The following CPLANE1 variants were observed in gnomAD, a reference collection of about 807,000 sequenced individuals.
The protein encoded by CPLANE1 is ciliogenesis and planar polarity effector 1.
A neutral mutation model predicts 362.5 loss-of-function variants in CPLANE1; 263 were observed. The ratio of observed to expected loss-of-function variants is 0.73; its 90% CI spans 0.66 to 0.80. The LOEUF is 0.80. Among genes scored for constraint, CPLANE1 ranks in the 30% least tolerant of loss-of-function variants. The pLI is 0.00. For missense variants in CPLANE1, 3,461 were observed against 3,793.4 expected (o/e 0.91, Z 2.30); for synonymous variants, 1,212 against 1,302.6 (o/e 0.93, Z 1.50).
intron 51 of CPLANE1, among the ~76,000 whole-genome samples, chr5:37,109,866 A>G (rs1319580090): frequency 6.6e-6 from 1 of 152,178 alleles, no homozygotes; most frequent in African/African-American, 2.4e-5. Context: ...CATATTGGCC[A>G]GGCTGGTTTG....
chr5:37,132,092 G>A (rs1240762472), intron 46 of CPLANE1, among the ~76,000 whole-genome samples: 1 of 151,946 alleles, frequency 6.6e-6, no homozygotes, highest in Non-Finnish European at 1.5e-5. Flanking sequence ...TTAATATAAG[G>A]TTATATATAA....
At chr5:37,243,320 T>C (rs1426495016) in intron 5 of CPLANE1, among the ~76,000 whole-genome samples, 1 of 152,168 alleles carries the variant, frequency 6.6e-6, no homozygotes. Flanking sequence ...AATCAGGTTG[T>C]AGTTTATGCT....
intron 9 of CPLANE1, among the ~76,000 whole-genome samples, chr5:37,228,936 C>T (rs897186169): frequency 6.6e-6 from 1 of 152,116 alleles, no homozygotes; most frequent in African/African-American, 2.4e-5. Flanking sequence ...GGAAGTGACA[C>T]GTTTTTCCAT....
intron 1 of CPLANE1, among the ~76,000 whole-genome samples, 168 bp downstream of exon 1, chr5:37,249,077 G>C (rs1372282746): frequency 6.6e-6 from 1 of 152,216 alleles, no homozygotes; most frequent in Non-Finnish European, 1.5e-5. Context: ...GGCCCGGACT[G>C]GGTAGTGGGG....
chr5:37,215,871 A>G (rs1299258650), intron 15 of CPLANE1, among the ~76,000 whole-genome samples: 1 of 150,476 alleles, frequency 6.6e-6, no homozygotes, highest in Non-Finnish European at 1.5e-5. Flanking sequence ...CTGCTCTGTC[A>G]CCCAAGCTAG....
At chr5:37,085,686 A>C in the CPLANE1 span, 1 of 1,138,564 alleles carries the variant, frequency 8.8e-7, no homozygotes, top group Non-Finnish European at 1.3e-6. Flanking sequence ...GACGTGGTTC[A>C]CATGAAAGAT....
At chr5:37,173,702 C>A in intron 32 of CPLANE1, 53 bp downstream of exon 32, 1 of 1,386,100 alleles carries the variant, frequency 7.2e-7, no homozygotes, top group Non-Finnish European at 1.0e-6. Context: ...TATTTTAAAA[C>A]CCTACATGTA....
chr5:37,155,053 T>A (rs775530854), intron 41 of CPLANE1, among the ~76,000 whole-genome samples: 1 of 152,216 alleles, frequency 6.6e-6, no homozygotes, highest in Non-Finnish European at 1.5e-5. Flanking sequence ...ACATTCTTAA[T>A]ACCACTACTT....
chr5:37,187,847 A>C lies in CPLANE1; in HGVS notation c.3812-5T>G, dbSNP rs375780513. 555 of 1,605,284 alleles carry C rather than the reference A, an allele frequency of 3.5e-4. No homozygotes were observed. Among genetic ancestry groups the C allele is most frequent in the Non-Finnish European group, 4.5e-4 (528 of 1,173,944 alleles). On this transcript the variant is annotated splice_region_variant and splice_polypyrimidine_tract_variant and intron_variant, in intron 21 of 52. Transcript: ENST00000651892. ...CACAAAGTTCTCTGAAGCAACCTAA[A>C]GCAGGAACACAAATATGAAAGAAAA... is the stretch of plus-strand genomic sequence containing the variant.
chr5:37,110,847 G>A lies in CPLANE1; in HGVS notation c.9401-2376C>T, dbSNP rs549803155. On this transcript the variant is annotated intron_variant, in intron 51 of 52. Coordinates refer to ENST00000651892, the MANE Select transcript of CPLANE1 (RefSeq NM_001384732.1). ...TTTTGAGATGGAGTCTCACTCTGTC[G>A]CCCAGGCTGGAGTGCAGTGGCACTA... Among the ~76,000 whole-genome samples, 5 of 130,772 alleles carry A rather than the reference G, an allele frequency of 3.8e-5. No individual in the cohort carries two copies. In the East Asian group the frequency reaches 8.9e-4, roughly 23 times the overall value. The allele number at this position is 130,772 out of a possible 152,430, so 85.8% of individuals were successfully genotyped here.
intron 31 of CPLANE1, among the ~76,000 whole-genome samples, chr5:37,174,893 T>C (rs1371982066): frequency 1.3e-5 from 2 of 152,228 alleles, no homozygotes; most frequent in Non-Finnish European, 2.9e-5. Flanking sequence ...GCTTTGAGTG[T>C]TGCTCCTTGA....
chr5:37,131,448 G>A (rs1029940017), intron 46 of CPLANE1, among the ~76,000 whole-genome samples: 1 of 151,922 alleles, frequency 6.6e-6, no homozygotes, highest in East Asian at 1.9e-4. Context: ...TTCTTCCCCT[G>A]AGCTCCCACA....
rs185277938 is a variant in CPLANE1, at chr5:37,157,600, A to C, written c.8011+70T>G. 2.0e-4 allele frequency: 271 copies of C among 1,332,186 alleles called. 1 individual carries two copies. The Middle Eastern group carries it at 4.9e-3, about 24-fold the overall frequency. 82.5% of individuals were successfully genotyped at this position (1,332,186 alleles called of 1,614,324 possible). A position where few individuals can be genotyped will look rare whatever the true frequency, so the allele number is the denominator to read the frequency against. On this transcript the variant is annotated intron_variant, in intron 40 of 52. Coordinates refer to ENST00000651892, the MANE Select transcript of CPLANE1 (RefSeq NM_001384732.1). ...TGTAGGAGGAGAGGTAAGAGATGTG[A>C]GTAGGGATAACAATGCTATATTAAA...
chr5:37,192,964 C>G (rs1406891446), intron 21 of CPLANE1, among the ~76,000 whole-genome samples: 1 of 149,308 alleles, frequency 6.7e-6, no homozygotes, highest in East Asian at 2.0e-4. Flanking sequence ...GTCAGGAATT[C>G]AAGACCAGCC....
intron 46 of CPLANE1, chr5:37,130,349 TAACCAA>T (rs1765413224): frequency 6.1e-6 from 1 of 165,108 alleles, no homozygotes; most frequent in African/African-American, 2.4e-5. Flanking sequence ...CTTACTCATG[TAACCAA>T]ATACCACCTG....
chr5:37,207,279 T>C lies in CPLANE1; in HGVS notation c.2921-854A>G, dbSNP rs180785041. ...TCCTCGAAATGGTGAGTTTCTCACA[T>C]GACCTATACAGGCTATGCCTACTGC... On this transcript the variant is annotated intron_variant, in intron 16 of 52. Transcript: ENST00000651892. Among the ~76,000 whole-genome samples the C allele has an allele frequency of 4.6e-5, 7 of 152,370 alleles. No homozygotes were observed. The East Asian group carries it at 9.6e-4, about 21-fold the overall frequency.
intron 29 of CPLANE1, among the ~76,000 whole-genome samples, chr5:37,178,281 G>A (rs1413301960): frequency 6.6e-6 from 1 of 151,758 alleles, no homozygotes; most frequent in Non-Finnish European, 1.5e-5. Flanking sequence ...AACAGAGCAA[G>A]ACTGTCTCAA....
At chr5:37,179,839 C>T (rs935404373) in intron 28 of CPLANE1, among the ~76,000 whole-genome samples, 178 bp downstream of exon 28, 1 of 151,956 alleles carries the variant, frequency 6.6e-6, no homozygotes, top group East Asian at 1.9e-4. Flanking sequence ...TTATTAAAAC[C>T]AAAATTAGAG....
chr5:37,165,786 A>G lies in CPLANE1; in HGVS notation c.7401-115T>C, dbSNP rs140299583. 3.2e-4 allele frequency: 295 copies of G among 919,850 alleles called. 3 individuals are homozygous for G. The East Asian group carries it at 6.2e-3, about 19-fold the overall frequency. The allele number at this position is 919,850 out of a possible 1,614,324, so 57.0% of individuals were successfully genotyped here. On this transcript the variant is annotated intron_variant, in intron 35 of 52. Coordinates refer to ENST00000651892, the MANE Select transcript of CPLANE1 (RefSeq NM_001384732.1). Reference sequence around the variant, plus strand: ...AAATTACGTTCATAAATTATTTTCAATAGCATTTAATTAAATTGGCAAGAT... The same window carrying G: ...AAATTACGTTCATAAATTATTTTCAGTAGCATTTAATTAAATTGGCAAGAT...
Sources: gnomAD v4.1 joint callset for allele counts (sites outside exome capture counted in the v4.1 genomes callset) on GRCh38, gnomAD v4.1.1 for gene constraint, MANE v1.5 for transcripts, NCBI Gene and HGNC (gene_info 2026-07-23, HGNC 2026-07-21) for gene names.